OR2M4: variants seen among roughly 807,000 people sequenced by gnomAD.
OR2M4 encodes olfactory receptor 2M4.
Under a neutral mutation model 13.7 loss-of-function variants are expected in OR2M4, and 8 were observed. The observed-to-expected ratio is 0.58, with a 90% CI of 0.34 to 1.05. OR2M4 has a LOEUF of 1.05. Among genes scored for constraint, OR2M4 ranks in the 50% least tolerant of loss-of-function variants. The pLI is 0.02. For missense variants in OR2M4, 374 were observed against 381.6 expected (o/e 0.98, Z 0.17); for synonymous variants, 152 against 141.3 (o/e 1.08, Z -0.53).
At chr1:248,236,533 C>T (rs1418505474) in intron 1 of OR2M4, among the ~76,000 whole-genome samples, 2 of 151,488 alleles carry the variant, frequency 1.3e-5, no homozygotes, top group Admixed American at 1.3e-4. Context: ...AATCCAAAGG[C>T]TAGCAGAAGA....
rs777454422 is a variant in OR2M4 at position 248,239,866 on chromosome 1, C to G, written c.*2C>G. ...CTGAAGAAAAGAAAGTTAATATGAC[C>G]TTATCAAAATCTTTTTGAGTGCCTA... On this transcript the variant is annotated 3_prime_UTR_variant, in exon 2 of 2. Coordinates refer to ENST00000641868, the MANE Select transcript of OR2M4 (RefSeq NM_017504.2). 1.3e-6 allele frequency: 2 copies of G among 1,563,952 alleles called. No homozygotes were observed. The highest frequency in any genetic ancestry group is 2.4e-5 in the South Asian group (2 of 82,976).
In OR2M4 at chr1:248,234,277, A is replaced by AT. The variant is rs1377567693; in HGVS notation, c.-20+2698dup. Among the ~76,000 whole-genome samples the AT allele has an allele frequency of 4.4e-3, 647 of 148,596 alleles. 3 individuals carry two copies. The highest frequency in any genetic ancestry group is 0.016 in the African/African-American group (603 of 38,160). ...CCCATCTTGAACTGGGCTGAGTCAA[A>AT]TATTTTTTTTTTTTAATTTGTATTT... is the stretch of plus-strand genomic sequence containing the variant. On this transcript the variant is annotated intron_variant, in intron 1 of 1. Transcript: ENST00000641868.
chr1:248,238,300 T>G (rs1256145987), intron 1 of OR2M4, among the ~76,000 whole-genome samples: 1 of 152,214 alleles, frequency 6.6e-6, no homozygotes, highest in Non-Finnish European at 1.5e-5. Context: ...AATGGGGGTT[T>G]TGATTAAATA....
chr1:248,231,825 T>G lies in OR2M4; in HGVS notation c.-20+245T>G, dbSNP rs978001093. On this transcript the variant is annotated intron_variant, in intron 1 of 1. Coordinates refer to ENST00000641868, the MANE Select transcript of OR2M4 (RefSeq NM_017504.2). ...TCATTTCTCCTGCAATCCTGGACTCTCTTTCTGTTTCATACTAAAAATGAA... is the reference window on the plus strand; with the variant it reads ...TCATTTCTCCTGCAATCCTGGACTCGCTTTCTGTTTCATACTAAAAATGAA... Among the ~76,000 whole-genome samples the G allele has an allele frequency of 6.6e-5, 10 of 152,160 alleles. 1 individual carries two copies. Among genetic ancestry groups the G allele is most frequent in the African/African-American group, 1.9e-4 (8 of 41,432 alleles).
Position 248,239,222 on chromosome 1 carries a change from A to C in OR2M4, c.294A>C (p.Gly98=). ...GKKSISLAGC[G]TQIFFYVSLL... is the part of the protein sequence containing the mutation. ...AATCTATCTCTCTGGCAGGTTGTGG[A>C]ACTCAGATATTCTTCTATGTGTCCC... Residue 98 remains glycine, a synonymous_variant, in exon 2 of 2, where the codon GGA becomes GGC. Coordinates refer to ENST00000641868, the MANE Select transcript of OR2M4 (RefSeq NM_017504.2). The C allele has an allele frequency of 6.2e-7, 1 of 1,614,104 alleles. No homozygotes were observed. The highest frequency in any genetic ancestry group is 8.5e-7 in the Non-Finnish European group (1 of 1,180,024).
chr1:248,233,593 CA>C (rs1038703711), intron 1 of OR2M4, among the ~76,000 whole-genome samples: 3 of 151,474 alleles, frequency 2.0e-5, no homozygotes, highest in African/African-American at 2.4e-5. Flanking sequence ...TAGTCAGTAT[CA>C]AAAAAAATTA....
intron 1 of OR2M4, among the ~76,000 whole-genome samples, chr1:248,237,111 AG>A (rs1666565083): frequency 6.6e-6 from 1 of 152,214 alleles, no homozygotes; most frequent in African/African-American, 2.4e-5. Flanking sequence ...CACAACAAAA[AG>A]GGAACACTTC....
At chr1:248,237,246 T>G (rs1045725750) in intron 1 of OR2M4, among the ~76,000 whole-genome samples, 2 of 152,084 alleles carry the variant, frequency 1.3e-5, no homozygotes, top group Non-Finnish European at 2.9e-5. Context: ...TGGTTCAACA[T>G]ACAATAAACA....
intron 1 of OR2M4, among the ~76,000 whole-genome samples, chr1:248,232,551 C>T (rs1666515226): frequency 6.6e-6 from 1 of 152,092 alleles, no homozygotes; most frequent in Non-Finnish European, 1.5e-5. Context: ...CACCTCTCTT[C>T]CAGACACTTA....
At chr1:248,238,802 G>T in intron 1 of OR2M4, 108 bp from the exon 2 acceptor site, 1 of 629,932 alleles carries the variant, frequency 1.6e-6, no homozygotes, top group Non-Finnish European at 2.8e-6. Flanking sequence ...ACTGAAGGTT[G>T]GTGAGAAGGC....
Position 248,243,570 on chromosome 1 carries a change from C to T in OR2M4, c.*3706C>T, listed in dbSNP as rs892868943. 1.3e-5 allele frequency: 2 copies of T among 152,144 alleles called. No individual in the cohort carries two copies. Among genetic ancestry groups the T allele is most frequent in the South Asian group, 4.1e-4 (2 of 4,826 alleles). The allele number at this position is 152,144 out of a possible 1,614,324, so 9.4% of individuals were successfully genotyped here. On this transcript the variant is annotated 3_prime_UTR_variant, in exon 2 of 2. Coordinates refer to ENST00000641868, the MANE Select transcript of OR2M4 (RefSeq NM_017504.2). The stretch of plus-strand genomic sequence containing the variant: ...CTTTCAGCATGTACAGAAATTAACT[C>T]GAGATGGATTAAAGACTTAAACGTA...
intron 1 of OR2M4, among the ~76,000 whole-genome samples, chr1:248,234,854 G>A (rs1666542303): frequency 6.6e-6 from 1 of 151,314 alleles, no homozygotes; most frequent in African/African-American, 2.4e-5. Context: ...ACTTTTCGAT[G>A]GGGTTGTTTT....
intron 1 of OR2M4, 32 bp from the exon 2 acceptor site, chr1:248,238,878 A>T: frequency 7.3e-7 from 1 of 1,363,404 alleles, no homozygotes; most frequent in Non-Finnish European, 1.0e-6. Context: ...CTGAATTGAT[A>T]AATAAGCTTG....
At chr1:248,236,597 A>G (rs77374165) in intron 1 of OR2M4, among the ~76,000 whole-genome samples, 1 of 152,078 alleles carries the variant, frequency 6.6e-6, no homozygotes, top group African/African-American at 2.4e-5. Flanking sequence ...CACAAAAAAA[A>G]GCCTTGAAAA....
At chr1:248,233,875 G>A (rs191054806) in intron 1 of OR2M4, among the ~76,000 whole-genome samples, 1 of 152,170 alleles carries the variant, frequency 6.6e-6, no homozygotes, top group Admixed American at 6.5e-5. Context: ...AGGCGGGGGA[G>A]GGGCTAGAGA....
At position 248,239,793 on chromosome 1, in the gene OR2M4, A is replaced by T. The variant is rs563712087; in HGVS notation, c.865A>T (p.Ile289Phe). 6.2e-7 allele frequency: 1 copy of T among 1,614,066 alleles called. No homozygotes were observed. The highest frequency in any genetic ancestry group is 2.2e-5 in the East Asian group (1 of 44,858). Reference protein sequence around the residue: ...TILTPMLNPLIYSLRNKEVFR... With the variant: ...TILTPMLNPLFYSLRNKEVFR... ...TCTCACCCCTATGCTGAACCCTCTC[A>T]TTTATAGCCTCCGCAACAAAGAAGT... The change falls in exon 2 of 2, where the codon ATT (isoleucine) becomes TTT (phenylalanine). Residue 289 changes from isoleucine to phenylalanine, a missense_variant. By Grantham distance (21) the Ile-to-Phe change is conservative. Transcript: ENST00000641868.
intron 1 of OR2M4, among the ~76,000 whole-genome samples, chr1:248,235,339 T>A (rs1666546937): frequency 6.6e-6 from 1 of 152,102 alleles, no homozygotes; most frequent in Non-Finnish European, 1.5e-5. Flanking sequence ...ATTTCTGAGA[T>A]CTCTATTCTG....
Position 248,239,650 on chromosome 1 carries a change from G to T in OR2M4, c.722G>T (p.Cys241Phe). Residue 241 changes from cysteine (C) to phenylalanine (F), a missense_variant, in exon 2 of 2, where the codon TGC becomes TTC. Transcript: ENST00000641868. ...AGTCGTCGCAAGGCCTTCACTACCT[G>T]CTCCTCCCACCTGTCTGTGGTCGGA... ...GESRRKAFTTCSSHLSVVGLY... is the reference protein window; with the variant it reads ...GESRRKAFTTFSSHLSVVGLY... The T allele has an allele frequency of 6.2e-7, 1 of 1,613,906 alleles. No individual in the cohort carries two copies. The highest frequency in any genetic ancestry group is 1.1e-5 in the South Asian group (1 of 91,068).
In OR2M4 at chr1:248,243,382, G is replaced by C. The variant is rs1293499875; in HGVS notation, c.*3518G>C. On this transcript the variant is annotated 3_prime_UTR_variant, in exon 2 of 2. Coordinates refer to ENST00000641868, the MANE Select transcript of OR2M4 (RefSeq NM_017504.2). ...CTTTCGTGTTTCCTGGCATTCGCAG[G>C]CACGCTGTCCGGTGGGGGTTGAGAG... 6.6e-6 allele frequency: 1 copy of C among 152,168 alleles called. No individual in the cohort carries two copies. Among genetic ancestry groups the C allele is most frequent in the Non-Finnish European group, 1.5e-5 (1 of 68,036 alleles). 9.4% of individuals were successfully genotyped at this position (152,168 alleles called of 1,614,324 possible). A position where few individuals can be genotyped will look rare whatever the true frequency, so the allele number is the denominator to read the frequency against.
Sources: allele counts gnomAD v4.1 joint callset (sites outside exome capture counted in the v4.1 genomes callset), GRCh38; gene constraint gnomAD v4.1.1; transcripts MANE v1.5; gene names NCBI Gene and HGNC (gene_info 2026-07-23, HGNC 2026-07-21).